CDH12: variants seen among roughly 807,000 people sequenced by gnomAD.
CDH12 encodes the protein cadherin 12, also known as cadherin-12.
CDH12 carries 41 observed loss-of-function variants against 74.1 expected under a neutral mutation model. That is an observed-to-expected ratio of 0.55 (90% CI 0.43 to 0.72). The LOEUF is 0.72. CDH12 is among the 30% of genes least tolerant of loss of function. CDH12 has a pLI of 0.00. For synonymous variants in CDH12, 399 were observed against 355.0 expected, an observed-to-expected ratio of 1.12 and a Z score of -1.39; for missense variants, 945 against 977.2, an observed-to-expected ratio of 0.97 and a Z score of 0.44.
At chr5:22,127,053 G>A (rs990230046) in intron 4 of CDH12, among the ~76,000 whole-genome samples, 7 of 152,122 alleles carry the variant, frequency 4.6e-5, no homozygotes, top group African/African-American at 1.7e-4. Flanking sequence ...AATATGTGTG[G>A]GGTGGATTGT....
intron 5 of CDH12, among the ~76,000 whole-genome samples, chr5:22,071,424 C>G (rs1489113257): frequency 6.6e-6 from 1 of 152,112 alleles, no homozygotes; most frequent in Non-Finnish European, 1.5e-5. Context: ...ACCTCTGGAT[C>G]ACTAGTTACC....
At chr5:22,625,131 A>G (rs1738215694) in intron 1 of CDH12, among the ~76,000 whole-genome samples, 1 of 152,084 alleles carries the variant, frequency 6.6e-6, no homozygotes, top group African/African-American at 2.4e-5. Flanking sequence ...GGACACAGGA[A>G]GGGGAACATC....
intron 4 of CDH12, among the ~76,000 whole-genome samples, chr5:22,085,747 T>C (rs1328866164): frequency 1.3e-5 from 2 of 152,160 alleles, no homozygotes; most frequent in African/African-American, 4.8e-5. Flanking sequence ...AATATTAAAA[T>C]GTCAACAATA....
At chr5:22,065,047 GTCT>G (rs1741462615) in intron 5 of CDH12, among the ~76,000 whole-genome samples, 1 of 152,126 alleles carries the variant, frequency 6.6e-6, no homozygotes, top group Admixed American at 6.6e-5. Flanking sequence ...TTTCTGATAA[GTCT>G]TCTTAACTCC....
chr5:22,644,665 T>A (rs892376057), intron 1 of CDH12, among the ~76,000 whole-genome samples: 5 of 151,830 alleles, frequency 3.3e-5, no homozygotes, highest in Non-Finnish European at 7.4e-5. Flanking sequence ...TTAGCTATAC[T>A]AGATGACAGA....
intron 3 of CDH12, among the ~76,000 whole-genome samples, chr5:22,326,003 A>C (rs575024657): frequency 6.6e-6 from 1 of 152,310 alleles, no homozygotes; most frequent in South Asian, 2.1e-4. Context: ...GTCATAGTGC[A>C]TTTGATCCTA....
intron 2 of CDH12, among the ~76,000 whole-genome samples, chr5:22,439,627 T>C (rs1744541941): frequency 1.3e-5 from 2 of 152,078 alleles, no homozygotes; most frequent in Admixed American, 6.6e-5. Flanking sequence ...ATGAGTGGAA[T>C]TTCCTAGTCT....
At chr5:22,817,368 CAG>C (rs974356811) in intron 1 of CDH12, among the ~76,000 whole-genome samples, 1 of 151,918 alleles carries the variant, frequency 6.6e-6, no homozygotes, top group African/African-American at 2.4e-5. Context: ...TCAAATTCAT[CAG>C]AGACACTGAT....
intron 5 of CDH12, among the ~76,000 whole-genome samples, chr5:22,034,095 G>A (rs1216426092): frequency 2.6e-5 from 4 of 152,180 alleles, no homozygotes; most frequent in Non-Finnish European, 5.9e-5. Context: ...CCAGGCTGGA[G>A]TGCATTGGTG....
intron 1 of CDH12, among the ~76,000 whole-genome samples, chr5:22,539,359 A>C (rs1056548470): frequency 1.3e-5 from 2 of 152,224 alleles, no homozygotes; most frequent in Non-Finnish European, 2.9e-5. Flanking sequence ...GCACATCACC[A>C]AGAAAGGTGT....
intron 1 of CDH12, among the ~76,000 whole-genome samples, chr5:22,616,324 C>G (rs533449964): frequency 3.9e-5 from 6 of 152,014 alleles, no homozygotes; most frequent in Admixed American, 2.6e-4. Flanking sequence ...AATTAGGTAG[C>G]AATAGAAAAT....
intron 3 of CDH12, among the ~76,000 whole-genome samples, chr5:22,260,819 A>G (rs991117999): frequency 6.6e-6 from 1 of 151,954 alleles, no homozygotes; most frequent in African/African-American, 2.4e-5. Context: ...ATTTGGTAAA[A>G]ATCAAATTGT....
intron 1 of CDH12, among the ~76,000 whole-genome samples, chr5:22,821,302 G>A (rs1043087838): frequency 3.2e-4 from 49 of 152,184 alleles, no homozygotes; most frequent in African/African-American, 1.2e-3. Context: ...AAAACTGGGA[G>A]TATTCCCTTT....
At chr5:22,488,038 T>G (rs1053329474) in intron 2 of CDH12, among the ~76,000 whole-genome samples, 18 of 152,210 alleles carry the variant, frequency 1.2e-4, no homozygotes, top group African/African-American at 4.3e-4. Flanking sequence ...GCAGAAGTCA[T>G]GTAATATATT....
At chr5:22,670,083 G>T (rs1345617519) in intron 1 of CDH12, among the ~76,000 whole-genome samples, 1 of 152,138 alleles carries the variant, frequency 6.6e-6, no homozygotes, top group African/African-American at 2.4e-5. Context: ...AGGAGACATT[G>T]GTGGGTGGCC....
chr5:22,130,048 T>C (rs1746099159), intron 4 of CDH12, among the ~76,000 whole-genome samples: 1 of 151,504 alleles, frequency 6.6e-6, no homozygotes, highest in African/African-American at 2.4e-5. Flanking sequence ...AATTTAAATT[T>C]GAGATATGAT....
intron 2 of CDH12, among the ~76,000 whole-genome samples, chr5:22,457,418 C>A (rs1355368033): frequency 6.6e-6 from 1 of 150,992 alleles, no homozygotes; most frequent in Admixed American, 6.6e-5. Flanking sequence ...TCTTCCTCTT[C>A]TTCTTCATTT....
intron 10 of CDH12, among the ~76,000 whole-genome samples, chr5:21,792,290 C>G (rs955507317): frequency 2.0e-5 from 3 of 151,798 alleles, no homozygotes; most frequent in African/African-American, 4.8e-5. Flanking sequence ...TCCTACTTTC[C>G]TATCAATTTC....
chr5:22,735,305 G>T (rs2127009116), intron 1 of CDH12, among the ~76,000 whole-genome samples: 1 of 151,890 alleles, frequency 6.6e-6, no homozygotes, highest in South Asian at 2.1e-4. Context: ...GAGTTTTTAT[G>T]AGAAACTAGC....
Sources: allele counts gnomAD v4.1 joint callset (sites outside exome capture counted in the v4.1 genomes callset), GRCh38; gene constraint gnomAD v4.1.1; transcripts MANE v1.5; gene names NCBI Gene and HGNC (gene_info 2026-07-23, HGNC 2026-07-21).